The following LINGO2 variants were observed in gnomAD, a reference collection of about 807,000 sequenced individuals.
The protein encoded by LINGO2 is leucine-rich repeat and immunoglobulin-like domain-containing nogo receptor-interacting protein 2.
Under a neutral mutation model 30.6 loss-of-function variants are expected in LINGO2, and 14 were observed. The ratio of observed to expected loss-of-function variants is 0.46; its 90% CI spans 0.30 to 0.72. LINGO2 has a LOEUF of 0.72. LINGO2 is among the 30% of genes least tolerant of loss of function. The pLI is 0.07. For missense variants in LINGO2, 729 were observed against 751.7 expected, an observed-to-expected ratio of 0.97 and a Z score of 0.35; for synonymous variants, 317 against 288.5, an observed-to-expected ratio of 1.10 and a Z score of -1.00.
At chr9:28,061,787 T>C (rs1825152463) in intron 4 of LINGO2, among the ~76,000 whole-genome samples, 1 of 152,042 alleles carries the variant, frequency 6.6e-6, no homozygotes, top group Non-Finnish European at 1.5e-5. Context: ...ATTAAGAACT[T>C]CGACTTGGAA....
chr9:28,288,790 T>C (rs894435583), intron 4 of LINGO2, among the ~76,000 whole-genome samples: 1 of 152,150 alleles, frequency 6.6e-6, no homozygotes, highest in Non-Finnish European at 1.5e-5. Context: ...TGTGAAGAGT[T>C]ACATAGGTGA....
chr9:28,694,368 A>C, the LINGO2 span, among the ~76,000 whole-genome samples: 1 of 152,018 alleles, frequency 6.6e-6, no homozygotes, highest in African/African-American at 2.4e-5. Context: ...ACTATGGCTA[A>C]ATTTTTGAAT....
chr9:28,007,047 A>T (rs1822301909), intron 5 of LINGO2, among the ~76,000 whole-genome samples: 1 of 152,152 alleles, frequency 6.6e-6, no homozygotes, highest in Non-Finnish European at 1.5e-5. Context: ...CTTGTGTTTC[A>T]CTAGTCTGTT....
At chr9:28,045,107 T>A (rs946806169) in intron 4 of LINGO2, among the ~76,000 whole-genome samples, 1 of 151,874 alleles carries the variant, frequency 6.6e-6, no homozygotes, top group African/African-American at 2.4e-5. Context: ...TTGAGACTTT[T>A]TCCCCCCCAT....
At chr9:28,591,997 C>G (rs1236421914) in intron 1 of LINGO2, among the ~76,000 whole-genome samples, 1 of 151,942 alleles carries the variant, frequency 6.6e-6, no homozygotes, top group Admixed American at 6.6e-5. Flanking sequence ...ATATTATGTG[C>G]CATACTAAAG....
chr9:28,760,243 T>C, the LINGO2 span, among the ~76,000 whole-genome samples: 8 of 152,030 alleles, frequency 5.3e-5, no homozygotes, highest in Non-Finnish European at 8.8e-5. Flanking sequence ...TTCAAAAAAG[T>C]AATAATTAGT....
chr9:28,987,397 CT>C, the LINGO2 span, among the ~76,000 whole-genome samples: 1 of 151,752 alleles, frequency 6.6e-6, no homozygotes, highest in Non-Finnish European at 1.5e-5. Context: ...AATGTCTTCC[CT>C]TTCATTTATA....
At chr9:28,192,286 AAC>A (rs1819850796) in intron 4 of LINGO2, among the ~76,000 whole-genome samples, 1 of 152,214 alleles carries the variant, frequency 6.6e-6, no homozygotes, top group South Asian at 2.1e-4. Flanking sequence ...CATATGTATA[AAC>A]AGAGTAAATA....
intron 4 of LINGO2, among the ~76,000 whole-genome samples, chr9:28,200,717 CACAT>C (rs1016933546): frequency 8.5e-5 from 13 of 152,072 alleles, no homozygotes; most frequent in Non-Finnish European, 1.8e-4. Flanking sequence ...ATAGAAGTAA[CACAT>C]AAATAAGTAC....
chr9:28,331,222 T>TAATTC (rs1441698492), intron 3 of LINGO2, among the ~76,000 whole-genome samples: 2 of 152,076 alleles, frequency 1.3e-5, no homozygotes, highest in Non-Finnish European at 2.9e-5. Flanking sequence ...AAATAACTTT[T>TAATTC]AGTTCAGTCT....
chr9:28,370,811 G>C (rs760009630), intron 3 of LINGO2, among the ~76,000 whole-genome samples: 1 of 152,122 alleles, frequency 6.6e-6, no homozygotes, highest in Non-Finnish European at 1.5e-5. Flanking sequence ...TTGGTCATTA[G>C]TGAACTCTGA....
chr9:29,118,625 T>C, the LINGO2 span, among the ~76,000 whole-genome samples: 2 of 152,160 alleles, frequency 1.3e-5, no homozygotes, highest in Non-Finnish European at 1.5e-5. Context: ...TCCCTGAGCA[T>C]GATCCCAGCT....
intron 4 of LINGO2, among the ~76,000 whole-genome samples, chr9:28,176,768 A>C (rs1208283657): frequency 6.6e-6 from 1 of 152,200 alleles, no homozygotes; most frequent in Non-Finnish European, 1.5e-5. Flanking sequence ...ATGGTTTGAT[A>C]TAGACAATTG....
the LINGO2 span, among the ~76,000 whole-genome samples, chr9:28,941,693 G>A: frequency 2.0e-5 from 3 of 152,032 alleles, no homozygotes; most frequent in East Asian, 5.8e-4. Context: ...CCTTTTTAAA[G>A]TTGACATCAA....
chr9:28,258,733 A>T (rs1822464069), intron 4 of LINGO2, among the ~76,000 whole-genome samples: 1 of 152,002 alleles, frequency 6.6e-6, no homozygotes, highest in Non-Finnish European at 1.5e-5. Flanking sequence ...CATCTTTTAC[A>T]GACATTGGGA....
intron 1 of LINGO2, among the ~76,000 whole-genome samples, chr9:28,657,119 A>G (rs1277335510): frequency 8.0e-6 from 1 of 124,890 alleles, no homozygotes; most frequent in African/African-American, 2.6e-5. Context: ...TTGACCCACC[A>G]AAAAAAATGT....
At chr9:28,954,009 C>T in the LINGO2 span, among the ~76,000 whole-genome samples, 3 of 151,964 alleles carry the variant, frequency 2.0e-5, no homozygotes, top group Non-Finnish European at 2.9e-5. Context: ...TTAAAATTAC[C>T]GCTAATCTTA....
chr9:28,202,865 T>C (rs955580464), intron 4 of LINGO2, among the ~76,000 whole-genome samples: 8 of 152,060 alleles, frequency 5.3e-5, no homozygotes, highest in Non-Finnish European at 4.4e-5. Context: ...AGTAAACAAG[T>C]AGGGGATGGA....
At chr9:28,977,200 C>G in the LINGO2 span, among the ~76,000 whole-genome samples, 3 of 152,050 alleles carry the variant, frequency 2.0e-5, no homozygotes, top group Non-Finnish European at 4.4e-5. Context: ...CCTAGCAAAA[C>G]TATGGTTAAA....
Sources: allele counts gnomAD v4.1 joint callset (sites outside exome capture counted in the v4.1 genomes callset), GRCh38; gene constraint gnomAD v4.1.1; transcripts MANE v1.5; gene names NCBI Gene and HGNC (gene_info 2026-07-23, HGNC 2026-07-21).